Variants in PLCE1 observed in about 807,000 individuals in gnomAD.
PLCE1 encodes 1-phosphatidylinositol 4,5-bisphosphate phosphodiesterase epsilon-1.
A neutral mutation model predicts 242.8 loss-of-function variants in PLCE1; 119 were observed. That is an observed-to-expected ratio of 0.49 (90% confidence interval 0.42 to 0.57). PLCE1 has a LOEUF of 0.57. Among genes scored for constraint, PLCE1 ranks in the 20% least tolerant of loss-of-function variants. The probability of loss-of-function intolerance (pLI) is 0.00; values close to 1 mark genes in which losing one functional copy is unlikely to be tolerated. For missense variants in PLCE1, 2,441 were observed against 2,788.8 expected, an observed-to-expected ratio of 0.88 and a Z score of 2.81; for synonymous variants, 945 against 1,017.4, an observed-to-expected ratio of 0.93 and a Z score of 1.35.
intron 27 of PLCE1, among the ~76,000 whole-genome samples, chr10:94,312,438 T>C (rs1055514936): frequency 6.6e-6 from 1 of 152,240 alleles, no homozygotes; most frequent in African/African-American, 2.4e-5. Context: ...TGCCCTGCTG[T>C]AGGCCATTTC....
chr10:94,326,064 C>T (rs1414039192), intron 32 of PLCE1, among the ~76,000 whole-genome samples: 1 of 152,148 alleles, frequency 6.6e-6, no homozygotes, highest in Non-Finnish European at 1.5e-5. Flanking sequence ...TGTGAGGGAA[C>T]CAGTGGTAAG....
At chr10:94,286,704 C>A (rs2052460971) in intron 22 of PLCE1, 1 of 152,128 alleles carries the variant, frequency 6.6e-6, no homozygotes, top group African/African-American at 2.4e-5. Context: ...AAGTAGCCAG[C>A]AAAGATTTCA....
chr10:94,173,349 C>G (rs2048039348), intron 4 of PLCE1, among the ~76,000 whole-genome samples: 1 of 152,190 alleles, frequency 6.6e-6, no homozygotes, highest in East Asian at 1.9e-4. Flanking sequence ...GCAAATGTCA[C>G]TGCCCCAAAG....
chr10:94,149,249 C>G (rs1399245420), intron 3 of PLCE1, among the ~76,000 whole-genome samples: 1 of 152,148 alleles, frequency 6.6e-6, no homozygotes, highest in Non-Finnish European at 1.5e-5. Context: ...GCCAGAGCAG[C>G]CCAGAAGGTG....
intron 2 of PLCE1, among the ~76,000 whole-genome samples, chr10:94,041,076 G>A (rs1026050227): frequency 6.6e-6 from 1 of 151,438 alleles, no homozygotes; most frequent in South Asian, 2.1e-4. Flanking sequence ...AACATCCCTC[G>A]CTACCTGGCT....
rs1272963317 is a variant in PLCE1 at position 94,332,556 on chromosome 10, T to C, written c.*4613T>C. Reference sequence around the variant, plus strand: ...GTGTGTGTGTGTGTGTGTTTAAACATAAGCTTACATATAAGCGTATGTAAG... The same window carrying C: ...GTGTGTGTGTGTGTGTGTTTAAACACAAGCTTACATATAAGCGTATGTAAG... On this transcript the variant is annotated 3_prime_UTR_variant, in exon 33 of 33. Transcript: ENST00000371380. The C allele has an allele frequency of 1.3e-5, 2 of 150,734 alleles. No individual in the cohort carries two copies. Among genetic ancestry groups the C allele is most frequent in the Non-Finnish European group, 3.0e-5 (2 of 67,712 alleles). 9.3% of individuals were successfully genotyped at this position (150,734 alleles called of 1,614,324 possible).
chr10:94,263,520 A>G (rs1017088171), intron 14 of PLCE1, among the ~76,000 whole-genome samples: 3 of 151,302 alleles, frequency 2.0e-5, no homozygotes, highest in East Asian at 2.0e-4. Flanking sequence ...TCTCAAAAAA[A>G]AAAAAAAAAA....
At chr10:94,150,249 T>G (rs2047234052) in intron 3 of PLCE1, among the ~76,000 whole-genome samples, 1 of 152,228 alleles carries the variant, frequency 6.6e-6, no homozygotes, top group African/African-American at 2.4e-5. Context: ...AGAATTATAA[T>G]CCTCATTTCA....
chr10:94,256,872 G>A (rs915202323), intron 11 of PLCE1, among the ~76,000 whole-genome samples: 2 of 152,218 alleles, frequency 1.3e-5, no homozygotes, highest in East Asian at 3.8e-4. Flanking sequence ...AAGCTAGACT[G>A]AATCCTAAGT....
chr10:94,182,547 AGCCTGAGCTACCAT>A (rs1470328529), intron 4 of PLCE1, among the ~76,000 whole-genome samples: 1 of 151,850 alleles, frequency 6.6e-6, no homozygotes, highest in Non-Finnish European at 1.5e-5. Flanking sequence ...TGGGATTATA[AGCCTGAGCTACCAT>A]GCCTGGCCCC....
intron 4 of PLCE1, among the ~76,000 whole-genome samples, chr10:94,176,156 T>C (rs992063660): frequency 2.6e-5 from 4 of 152,164 alleles, no homozygotes; most frequent in African/African-American, 9.6e-5. Flanking sequence ...CCTAGCAATT[T>C]GGGAGCCTGA....
chr10:94,098,239 G>A (rs959589475), intron 2 of PLCE1, among the ~76,000 whole-genome samples: 3 of 152,170 alleles, frequency 2.0e-5, no homozygotes, highest in Non-Finnish European at 4.4e-5. Context: ...AAAACTTACT[G>A]TGTAAAATTT....
At chr10:94,061,121 G>GCTCT in intron 2 of PLCE1, among the ~76,000 whole-genome samples, 2 of 152,294 alleles carry the variant, frequency 1.3e-5, no homozygotes, top group African/African-American at 4.8e-5. Flanking sequence ...GGCACTGGAT[G>GCTCT]CTCTGCATGT....
intron 24 of PLCE1, among the ~76,000 whole-genome samples, chr10:94,300,039 T>C (rs565875827): frequency 6.6e-6 from 1 of 152,350 alleles, no homozygotes; most frequent in South Asian, 2.1e-4. Flanking sequence ...GAGTGGCTGG[T>C]GGGTTCACAT....
chr10:94,070,252 A>G (rs949781348), intron 2 of PLCE1, among the ~76,000 whole-genome samples: 7 of 152,236 alleles, frequency 4.6e-5, no homozygotes, highest in African/African-American at 1.7e-4. Flanking sequence ...AATGTATGCA[A>G]TCAATCAATA....
intron 1 of PLCE1, among the ~76,000 whole-genome samples, chr10:94,011,279 A>G (rs2061161618): frequency 6.6e-6 from 1 of 152,156 alleles, no homozygotes; most frequent in African/African-American, 2.4e-5. Flanking sequence ...AGATTCTTTT[A>G]AACAACCAGA....
chr10:94,104,221 G>A (rs1302410870), intron 2 of PLCE1: 2 of 152,202 alleles, frequency 1.3e-5, no homozygotes, highest in East Asian at 3.9e-4. Flanking sequence ...TGTACAAATA[G>A]TAACGTCCTC....
intron 2 of PLCE1, among the ~76,000 whole-genome samples, chr10:94,111,176 C>G (rs760080738): frequency 6.6e-6 from 1 of 152,166 alleles, no homozygotes; most frequent in Admixed American, 6.5e-5. Context: ...TTCACTCACT[C>G]ATGAGACATT....
intron 2 of PLCE1, among the ~76,000 whole-genome samples, chr10:94,103,253 A>T (rs754480256): frequency 6.6e-6 from 1 of 152,202 alleles, no homozygotes; most frequent in African/African-American, 2.4e-5. Context: ...ACAGATAGGC[A>T]AACTGAGGCT....
Sources: allele counts gnomAD v4.1 joint callset (sites outside exome capture counted in the v4.1 genomes callset), GRCh38; gene constraint gnomAD v4.1.1; transcripts MANE v1.5; gene names NCBI Gene and HGNC (gene_info 2026-07-23, HGNC 2026-07-21).